Variants in C1QTNF7 observed in about 807,000 individuals in gnomAD.
C1QTNF7 encodes complement C1q tumor necrosis factor-related protein 7.
Under a neutral mutation model 19.6 loss-of-function variants are expected in C1QTNF7, and 15 were observed. The observed-to-expected ratio is 0.76, with a 90% CI of 0.51 to 1.18. C1QTNF7 has a LOEUF of 1.18. Among genes scored for constraint, C1QTNF7 ranks in the 50% most tolerant of loss-of-function variants. The pLI is 0.00. For missense variants in C1QTNF7, 324 were observed against 359.7 expected (o/e 0.90, Z 0.80); for synonymous variants, 142 against 137.5 (o/e 1.03, Z -0.23).
intron 1 of C1QTNF7, among the ~76,000 whole-genome samples, chr4:15,344,862 C>A (rs916487757): frequency 5.9e-5 from 9 of 152,214 alleles, no homozygotes; most frequent in African/African-American, 2.2e-4. Flanking sequence ...CTGCCTTTTG[C>A]AAAATTCAAC....
intron 1 of C1QTNF7, among the ~76,000 whole-genome samples, chr4:15,350,342 G>GAAGGAAGGAAA (rs1716890563): frequency 1.9e-5 from 1 of 53,254 alleles, no homozygotes; most frequent in Non-Finnish European, 3.3e-5. Flanking sequence ...AAAGGAGGGA[G>GAAGGAAGGAAA]GGAGGGAGGG....
chr4:15,397,026 G>A (rs1164955107), intron 1 of C1QTNF7, among the ~76,000 whole-genome samples: 3 of 144,234 alleles, frequency 2.1e-5, no homozygotes, highest in Non-Finnish European at 3.0e-5. Context: ...AGCAAGTCCC[G>A]TCTTACATGG....
At chr4:15,416,355 G>A (rs1207395364) in intron 1 of C1QTNF7, among the ~76,000 whole-genome samples, 1 of 152,182 alleles carries the variant, frequency 6.6e-6, no homozygotes, top group African/African-American at 2.4e-5. Context: ...CTGGCACTGG[G>A]CAGACAGGGT....
chr4:15,419,485 G>A (rs533217601), intron 1 of C1QTNF7, among the ~76,000 whole-genome samples: 1 of 152,252 alleles, frequency 6.6e-6, no homozygotes, highest in East Asian at 1.9e-4. Context: ...CACAGCAACA[G>A]TGTATAGGTA....
At chr4:15,407,799 T>G (rs747230172) in intron 1 of C1QTNF7, among the ~76,000 whole-genome samples, 23 of 152,056 alleles carry the variant, frequency 1.5e-4, no homozygotes, top group Non-Finnish European at 2.6e-4. Flanking sequence ...TGGTGGTGGG[T>G]ACCTGTAATC....
At chr4:15,360,970 C>T (rs542526015) in intron 1 of C1QTNF7, among the ~76,000 whole-genome samples, 1 of 152,108 alleles carries the variant, frequency 6.6e-6, no homozygotes, top group Non-Finnish European at 1.5e-5. Flanking sequence ...ACCATAGTAA[C>T]CTCTGTACAA....
At chr4:15,365,491 C>T (rs1717482574) in intron 1 of C1QTNF7, among the ~76,000 whole-genome samples, 1 of 152,194 alleles carries the variant, frequency 6.6e-6, no homozygotes, top group Non-Finnish European at 1.5e-5. Context: ...TTAGACCCGT[C>T]TCTCGGGACT....
At chr4:15,389,390 G>A (rs753658747) in intron 1 of C1QTNF7, among the ~76,000 whole-genome samples, 1 of 152,096 alleles carries the variant, frequency 6.6e-6, no homozygotes, top group Non-Finnish European at 1.5e-5. Context: ...CTTCACTCCT[G>A]TGCATGATGA....
chr4:15,402,681 A>G (rs1201086864), intron 1 of C1QTNF7, among the ~76,000 whole-genome samples: 1 of 152,222 alleles, frequency 6.6e-6, no homozygotes, highest in Non-Finnish European at 1.5e-5. Context: ...AGTTTTAAAA[A>G]GCAAAATGAC....
intron 1 of C1QTNF7, 145 bp downstream of exon 1, chr4:15,428,251 C>T: frequency 4.7e-6 from 1 of 212,732 alleles, no homozygotes; most frequent in Non-Finnish European, 8.1e-6. Flanking sequence ...AGTCTCTGGA[C>T]TGACACTAGC....
intron 1 of C1QTNF7, chr4:15,374,831 G>A (rs758060148): frequency 1.0e-4 from 92 of 881,618 alleles, no homozygotes; most frequent in Non-Finnish European, 1.2e-4. Context: ...TTAGAAAGGC[G>A]TCTTTTGGCT....
intron 1 of C1QTNF7, among the ~76,000 whole-genome samples, chr4:15,400,983 C>G (rs990508376): frequency 1.3e-5 from 2 of 152,174 alleles, no homozygotes; most frequent in African/African-American, 4.8e-5. Flanking sequence ...CACAATTCTT[C>G]TAGCCAGGCC....
intron 1 of C1QTNF7, among the ~76,000 whole-genome samples, chr4:15,363,506 C>T (rs1029846367): frequency 5.3e-5 from 8 of 152,094 alleles, no homozygotes; most frequent in Admixed American, 1.3e-4. Flanking sequence ...AAAATCTGAA[C>T]GTGTGAAACC....
chr4:15,418,196 CTCAGCTGCA>C (rs918331981), intron 1 of C1QTNF7, among the ~76,000 whole-genome samples: 3 of 152,160 alleles, frequency 2.0e-5, no homozygotes, highest in South Asian at 4.1e-4. Context: ...TCTTTGCCCA[CTCAGCTGCA>C]TCAGCCTCCC....
chr4:15,344,836 C>T (rs933603288), intron 1 of C1QTNF7, among the ~76,000 whole-genome samples: 3 of 152,276 alleles, frequency 2.0e-5, no homozygotes, highest in African/African-American at 7.2e-5. Context: ...AAACTTTTTT[C>T]CATCCTCCTG....
At chr4:15,392,439 G>A (rs1423502642) in intron 1 of C1QTNF7, among the ~76,000 whole-genome samples, 1 of 152,194 alleles carries the variant, frequency 6.6e-6, no homozygotes, top group East Asian at 1.9e-4. Flanking sequence ...CAAGCCCGGT[G>A]CCCCTTCAGC....
chr4:15,384,364 A>G (rs1339020229), intron 1 of C1QTNF7, among the ~76,000 whole-genome samples: 4 of 152,320 alleles, frequency 2.6e-5, no homozygotes, highest in African/African-American at 9.6e-5. Flanking sequence ...AGCCCATGAC[A>G]CCATGCATAT....
chr4:15,384,819 T>C (rs1201478643), intron 1 of C1QTNF7, among the ~76,000 whole-genome samples: 1 of 152,196 alleles, frequency 6.6e-6, no homozygotes, highest in Non-Finnish European at 1.5e-5. Flanking sequence ...GGGAGGCAGC[T>C]GGCAGGCAGA....
rs73128143 is a variant in C1QTNF7, at chr4:15,370,434, C to T, written c.13+30227C>T. Among the ~76,000 whole-genome samples, 325 of 149,286 alleles carry T rather than the reference C, an allele frequency of 2.2e-3. 1 individual carries two copies. The highest frequency in any genetic ancestry group is 6.8e-3 in the African/African-American group (282 of 41,252). ...TCTAATTATTTTGTATCTTTCACAACCCTGTGTGTGCCCTCCTTGGCTGGC... is the reference window on the plus strand; with the variant it reads ...TCTAATTATTTTGTATCTTTCACAATCCTGTGTGTGCCCTCCTTGGCTGGC... On this transcript the variant is annotated intron_variant, in intron 1 of 2. Transcript: ENST00000295297.
Sources: allele counts gnomAD v4.1 joint callset (sites outside exome capture counted in the v4.1 genomes callset), GRCh38; gene constraint gnomAD v4.1.1; transcripts MANE v1.5; gene names NCBI Gene and HGNC (gene_info 2026-07-23, HGNC 2026-07-21).